The following DAAM2 variants were observed in gnomAD, a reference collection of about 807,000 sequenced individuals.
The protein encoded by DAAM2 is dishevelled associated activator of morphogenesis 2, also known as disheveled-associated activator of morphogenesis 2.
A neutral mutation model predicts 120.7 loss-of-function variants in DAAM2; 39 were observed. The ratio of observed to expected loss-of-function variants is 0.32; its 90% CI spans 0.25 to 0.42. The LOEUF (loss-of-function observed/expected upper bound fraction) is 0.42. Ranked by LOEUF, DAAM2 falls within the 10% of genes least tolerant of loss-of-function variation. The probability of loss-of-function intolerance (pLI) is 1.00; values close to 1 mark genes in which losing one functional copy is unlikely to be tolerated. For missense variants in DAAM2, 1,283 were observed against 1,401.7 expected, an observed-to-expected ratio of 0.92 and a Z score of 1.35; for synonymous variants, 488 against 524.9, an observed-to-expected ratio of 0.93 and a Z score of 0.96.
rs1254055375 is a variant in DAAM2 at position 39,879,485 on chromosome 6, T to C, written c.1845+8T>C. On this transcript the variant is annotated splice_region_variant and intron_variant, in intron 14 of 24. Transcript: ENST00000274867. Reference sequence around the variant, plus strand: ...TGGGTGAAGCTGAATGAGGTGAGCATCTGGGAAGGGGCTGGAGGGCCCATT... The same window carrying C: ...TGGGTGAAGCTGAATGAGGTGAGCACCTGGGAAGGGGCTGGAGGGCCCATT... 2 of 1,613,880 alleles carry C rather than the reference T, an allele frequency of 1.2e-6. No individual in the cohort carries two copies. Among genetic ancestry groups the C allele is most frequent in the Admixed American group, 1.7e-5 (1 of 60,004 alleles).
intron 2 of DAAM2, among the ~76,000 whole-genome samples, chr6:39,856,905 G>T (rs75456804): frequency 0.012 from 1,852 of 152,286 alleles, 20 homozygotes; most frequent in East Asian, 0.059. Flanking sequence ...GCAGACACTG[G>T]GCACCTCGGA....
chr6:39,875,897 A>G (rs1317529809), intron 11 of DAAM2, among the ~76,000 whole-genome samples: 4 of 152,250 alleles, frequency 2.6e-5, no homozygotes, highest in Non-Finnish European at 5.9e-5. Context: ...CTATGGGTGC[A>G]TGGGCTGACT....
At chr6:39,891,783 T>A in intron 19 of DAAM2, 61 bp downstream of exon 19, 1 of 1,369,710 alleles carries the variant, frequency 7.3e-7, no homozygotes, top group Non-Finnish European at 1.0e-6. Context: ...GCAGGGTGGG[T>A]GGGAGCCAGT....
At chr6:39,869,904 C>T (rs1764589906) in intron 7 of DAAM2, among the ~76,000 whole-genome samples, 1 of 151,974 alleles carries the variant, frequency 6.6e-6, no homozygotes, top group Non-Finnish European at 1.5e-5. Flanking sequence ...CTCTGATTAG[C>T]TGGTAACCAC....
chr6:39,863,473 G>A (rs1764297962), intron 3 of DAAM2, among the ~76,000 whole-genome samples: 1 of 152,258 alleles, frequency 6.6e-6, no homozygotes, highest in Non-Finnish European at 1.5e-5. Context: ...GCTGAGAGCT[G>A]CAGGGCCCGC....
intron 14 of DAAM2, chr6:39,882,216 T>G (rs78812054): frequency 6.6e-6 from 1 of 152,114 alleles, no homozygotes; most frequent in Non-Finnish European, 1.5e-5. Flanking sequence ...AGTGTCAACA[T>G]GTAGGGAATA....
chr6:39,902,009 A>T lies in DAAM2; in HGVS notation c.3179A>T (p.Glu1060Val), dbSNP rs778238929. The T allele has an allele frequency of 1.4e-5, 23 of 1,610,096 alleles. No homozygotes were observed. In the South Asian group the frequency reaches 2.5e-4, roughly 18 times the overall value. Residue 1060 changes from glutamate to valine, a missense_variant, in exon 25 of 25, where the codon GAG (glutamate) becomes GTG (valine). Glu to Val is a moderately radical substitution (Grantham distance 121). Coordinates refer to ENST00000274867, the MANE Select transcript of DAAM2 (RefSeq NM_001201427.2). The part of the protein sequence containing the change: ...SGSQALEVTR[E>V]RAINRLNY ...AGCCAGGCCCTGGAAGTTACCCGGG[A>T]GCGGGCAATAAACCGGCTAAATTAT...
Position 39,904,461 on chromosome 6 carries a change from TC to T in DAAM2, c.*2428del, listed in dbSNP as rs1191011515. On this transcript the variant is annotated 3_prime_UTR_variant, in exon 25 of 25. Coordinates refer to ENST00000274867, the MANE Select transcript of DAAM2 (RefSeq NM_001201427.2). ...TCTTGGTCTTGCTTTCTTCATGCCC[TC>T]CCCACTGCTCCTGCCACCTTTAGAT... 1 of 454,440 alleles carries T rather than the reference TC, an allele frequency of 2.2e-6. No homozygotes were observed. Among genetic ancestry groups the T allele is most frequent in the African/African-American group, 2.0e-5 (1 of 49,996 alleles). 28.2% of individuals were successfully genotyped at this position (454,440 alleles called of 1,614,324 possible).
chr6:39,879,621 G>A (rs764146293), intron 14 of DAAM2, 144 bp downstream of exon 14: 14 of 1,139,972 alleles, frequency 1.2e-5, no homozygotes, highest in Non-Finnish European at 1.7e-5. Flanking sequence ...GATGTACAAA[G>A]TGGGTTTGCT....
At chr6:39,797,830 C>T (rs984570782) in intron 1 of DAAM2, among the ~76,000 whole-genome samples, 5 of 152,176 alleles carry the variant, frequency 3.3e-5, no homozygotes, top group African/African-American at 1.2e-4. Context: ...AGAGTGCCAG[C>T]TACAAGGTAA....
At chr6:39,881,971 G>A (rs1018843252) in intron 14 of DAAM2, 2 of 152,106 alleles carry the variant, frequency 1.3e-5, no homozygotes, top group African/African-American at 4.8e-5. Flanking sequence ...AGTCCCACAG[G>A]ATGGCAGGGC....
chr6:39,864,335 A>G (rs2504787), intron 3 of DAAM2, 98 bp from the exon 4 acceptor site: 537,993 of 892,692 alleles, frequency 0.6, 163,306 homozygotes, highest in South Asian at 0.68. Context: ...GGCAGAGCTG[A>G]GAAATGAATC....
At chr6:39,839,723 C>A (rs898479552) in intron 1 of DAAM2, among the ~76,000 whole-genome samples, 1 of 152,232 alleles carries the variant, frequency 6.6e-6, no homozygotes, top group Non-Finnish European at 1.5e-5. Context: ...ACACTGCCAG[C>A]AAATCGCAGG....
Position 39,794,903 on chromosome 6 carries a change from C to A in DAAM2, c.-57+2438C>A, listed in dbSNP as rs6922114. On this transcript the variant is annotated intron_variant, in intron 1 of 24. Coordinates refer to ENST00000274867, the MANE Select transcript of DAAM2 (RefSeq NM_001201427.2). ...AGACTACCCAGGGACAGAAGGGACC[C>A]CTCGGAACAGGATTCCCAGAAATAC... 7.8e-3 allele frequency among the ~76,000 whole-genome samples: 1,191 copies of A among 152,260 alleles called. 17 individuals carry two copies. The highest frequency in any genetic ancestry group is 0.027 in the African/African-American group (1,131 of 41,530).
intron 1 of DAAM2, among the ~76,000 whole-genome samples, chr6:39,843,978 G>C (rs1763463585): frequency 1.3e-5 from 2 of 152,054 alleles, no homozygotes; most frequent in Admixed American, 1.3e-4. Context: ...GTCAGACTGA[G>C]GTCACATGTT....
intron 1 of DAAM2, among the ~76,000 whole-genome samples, chr6:39,828,959 C>T (rs981023534): frequency 2.0e-5 from 3 of 152,198 alleles, no homozygotes; most frequent in Non-Finnish European, 4.4e-5. Flanking sequence ...CACAGACATG[C>T]AAACCATAGC....
chr6:39,823,539 G>C lies in DAAM2; in HGVS notation c.-57+31074G>C, dbSNP rs1269381347. Among the ~76,000 whole-genome samples the C allele has an allele frequency of 2.0e-5, 3 of 152,202 alleles. No homozygotes were observed. In the East Asian group the frequency reaches 5.8e-4, roughly 29 times the overall value. ...TGCTCCTTTCTGGGCCTTTGCAGATGGGACGACTTGTGCCGGGAAGGGGGA... is the reference window on the plus strand; with the variant it reads ...TGCTCCTTTCTGGGCCTTTGCAGATCGGACGACTTGTGCCGGGAAGGGGGA... On this transcript the variant is annotated intron_variant, in intron 1 of 24. Coordinates refer to ENST00000274867, the MANE Select transcript of DAAM2 (RefSeq NM_001201427.2).
intron 14 of DAAM2, among the ~76,000 whole-genome samples, chr6:39,883,184 CTTTT>C (rs34461870): frequency 1.5e-3 from 209 of 141,526 alleles, no homozygotes; most frequent in Admixed American, 1.3e-3. Context: ...ACTGCCAGGG[CTTTT>C]TTTTTTTTTT....
In DAAM2 at chr6:39,873,433, C is replaced by A. The variant is rs143610795; in HGVS notation, c.1162+78C>A. 94 of 1,009,522 alleles carry A rather than the reference C, an allele frequency of 9.3e-5. No individual in the cohort carries two copies. The African/African-American group carries it at 9.9e-4, about 11-fold the overall frequency. The allele number at this position is 1,009,522 out of a possible 1,614,324, so 62.5% of individuals were successfully genotyped here. A position where few individuals can be genotyped will look rare whatever the true frequency, so the allele number is the denominator to read the frequency against. ...GGCAGGTTTAGACAAGACTTTGGGA[C>A]CTCCCTGGTTTGGGGAGTCTGACCA... On this transcript the variant is annotated intron_variant, in intron 10 of 24. Coordinates refer to ENST00000274867, the MANE Select transcript of DAAM2 (RefSeq NM_001201427.2).
Sources: allele counts gnomAD v4.1 joint callset (sites outside exome capture counted in the v4.1 genomes callset), GRCh38; gene constraint gnomAD v4.1.1; transcripts MANE v1.5; gene names NCBI Gene and HGNC (gene_info 2026-07-23, HGNC 2026-07-21).